Variants in FMN1 observed in about 807,000 individuals in gnomAD.
The protein encoded by FMN1 is formin 1.
In FMN1, 110 loss-of-function variants were observed where a neutral mutation model predicts 132.4. That is an observed-to-expected ratio of 0.83 (90% confidence interval 0.71 to 0.97). The LOEUF is 0.97. FMN1 is among the 50% of genes least tolerant of loss of function. FMN1 has a pLI of 0.00. For missense variants in FMN1, 1,792 were observed against 1,705.3 expected, an observed-to-expected ratio of 1.05 and a Z score of -0.90; for synonymous variants, 722 against 651.7, an observed-to-expected ratio of 1.11 and a Z score of -1.64.
intron 17 of FMN1, among the ~76,000 whole-genome samples, chr15:32,837,726 T>C (rs915963285): frequency 1.3e-5 from 2 of 152,246 alleles, no homozygotes; most frequent in Non-Finnish European, 2.9e-5. Flanking sequence ...ATATAGGGTC[T>C]TTTAGACTGG....
rs577368313 is a variant in FMN1, at chr15:32,772,475, TTTGG to T, written c.*1831_*1834del. The T allele has an allele frequency of 2.6e-5, 4 of 152,372 alleles. No individual in the cohort carries two copies. Among genetic ancestry groups the T allele is most frequent in the African/African-American group, 9.6e-5 (4 of 41,586 alleles). The allele number at this position is 152,372 out of a possible 1,614,324, so 9.4% of individuals were successfully genotyped here. On this transcript the variant is annotated 3_prime_UTR_variant, in exon 21 of 21. Coordinates refer to ENST00000616417, the MANE Select transcript of FMN1 (RefSeq NM_001277313.2). ...AATCAGTTTTTAATTGATCCGTTCT[TTTGG>T]TTGTCTTCAGAGTTAAGTGAAAATG...
At chr15:32,960,386 T>C (rs1252585282) in intron 9 of FMN1, among the ~76,000 whole-genome samples, 2 of 152,092 alleles carry the variant, frequency 1.3e-5, no homozygotes, top group African/African-American at 4.8e-5. Context: ...TGGGTACAAT[T>C]TGACATGATA....
At chr15:33,083,495 C>T (rs758244225) in intron 5 of FMN1, among the ~76,000 whole-genome samples, 19 of 152,158 alleles carry the variant, frequency 1.2e-4, no homozygotes, top group Non-Finnish European at 2.6e-4. Flanking sequence ...AAAGGTTGAG[C>T]TAATCACCAA....
chr15:32,896,326 A>C (rs1439240340), intron 15 of FMN1, among the ~76,000 whole-genome samples: 1 of 152,030 alleles, frequency 6.6e-6, no homozygotes, highest in Non-Finnish European at 1.5e-5. Context: ...TTATTTTTAT[A>C]CATAATATTT....
At chr15:33,121,990 G>A (rs969755317) in intron 4 of FMN1, among the ~76,000 whole-genome samples, 6 of 152,180 alleles carry the variant, frequency 3.9e-5, no homozygotes, top group African/African-American at 1.4e-4. Context: ...TGTACTGCAA[G>A]CAAACAATAT....
rs373038152 is a variant in FMN1 at position 33,055,396 on chromosome 15, T to C, written c.2161+9561A>G. 5.9e-5 allele frequency among the ~76,000 whole-genome samples: 9 copies of C among 152,304 alleles called. No individual in the cohort carries two copies. The South Asian group carries it at 1.0e-3, about 18-fold the overall frequency. On this transcript the variant is annotated intron_variant, in intron 6 of 20. Coordinates refer to ENST00000616417, the MANE Select transcript of FMN1 (RefSeq NM_001277313.2). ...ATGTATTACATCTCCCTCAAATGTA[T>C]AAAAGCAAGCTGTACCCTGATCACC...
At chr15:33,076,676 T>C (rs895272760) in intron 5 of FMN1, among the ~76,000 whole-genome samples, 5 of 152,212 alleles carry the variant, frequency 3.3e-5, no homozygotes, top group African/African-American at 1.2e-4. Flanking sequence ...AGATTATTAC[T>C]GTCCAATGAA....
At chr15:32,990,098 T>A (rs2033341916) in intron 7 of FMN1, among the ~76,000 whole-genome samples, 1 of 152,198 alleles carries the variant, frequency 6.6e-6, no homozygotes, top group Non-Finnish European at 1.5e-5. Context: ...TATTTCCCAG[T>A]GTAGCTTTCC....
At chr15:32,867,791 A>G (rs2059428033) in intron 16 of FMN1, among the ~76,000 whole-genome samples, 2 of 152,178 alleles carry the variant, frequency 1.3e-5, no homozygotes, top group Admixed American at 1.3e-4. Flanking sequence ...GCGCCCGGCC[A>G]TCAGGATTTC....
chr15:32,984,206 T>C (rs558712586), intron 7 of FMN1, among the ~76,000 whole-genome samples: 18 of 152,340 alleles, frequency 1.2e-4, no homozygotes, highest in Non-Finnish European at 2.2e-4. Flanking sequence ...TTTTTAAGTT[T>C]TGTTTTTCTT....
intron 19 of FMN1, among the ~76,000 whole-genome samples, chr15:32,787,528 A>T (rs2056920044): frequency 6.6e-6 from 1 of 152,206 alleles, no homozygotes; most frequent in Non-Finnish European, 1.5e-5. Flanking sequence ...TCTTAGGCTT[A>T]GCTCCTAACA....
At chr15:32,789,769 T>C in intron 19 of FMN1, among the ~76,000 whole-genome samples, 1 of 152,164 alleles carries the variant, frequency 6.6e-6, no homozygotes, top group Admixed American at 6.6e-5. Flanking sequence ...CCTACACAGG[T>C]GTACCATTTT....
At chr15:32,882,018 G>C (rs1167223191) in intron 16 of FMN1, among the ~76,000 whole-genome samples, 1 of 152,214 alleles carries the variant, frequency 6.6e-6, no homozygotes, top group African/African-American at 2.4e-5. Flanking sequence ...CAGAGAGACA[G>C]AGAGGGAGTC....
intron 6 of FMN1, among the ~76,000 whole-genome samples, chr15:33,040,801 C>T (rs145356433): frequency 6.6e-6 from 1 of 152,268 alleles, no homozygotes; most frequent in African/African-American, 2.4e-5. Context: ...AATAGTGGTA[C>T]AATGAAGGAG....
chr15:32,827,136 C>A (rs1469752499), intron 17 of FMN1, among the ~76,000 whole-genome samples: 3 of 152,158 alleles, frequency 2.0e-5, no homozygotes, highest in African/African-American at 7.2e-5. Context: ...TACTGAGTGG[C>A]CTCCAGTCAC....
chr15:33,013,362 T>C (rs766583807), intron 6 of FMN1, among the ~76,000 whole-genome samples: 37 of 152,208 alleles, frequency 2.4e-4, no homozygotes, highest in Admixed American at 3.9e-4. Context: ...TATCAATTGC[T>C]AAATGTAATA....
intron 7 of FMN1, among the ~76,000 whole-genome samples, chr15:33,004,617 G>C (rs898085574): frequency 2.0e-5 from 3 of 152,172 alleles, no homozygotes; most frequent in African/African-American, 7.2e-5. Context: ...AACCATTGTG[G>C]AAGTCAGTGT....
chr15:32,866,655 A>G (rs1218272387), intron 16 of FMN1, among the ~76,000 whole-genome samples: 1 of 152,168 alleles, frequency 6.6e-6, no homozygotes, highest in Non-Finnish European at 1.5e-5. Flanking sequence ...AAAATTTGCA[A>G]TACTCACTTT....
At chr15:33,114,661 G>A (rs1423632993) in intron 4 of FMN1, among the ~76,000 whole-genome samples, 3 of 152,148 alleles carry the variant, frequency 2.0e-5, no homozygotes, top group Non-Finnish European at 4.4e-5. Context: ...CCTTCTTTTG[G>A]AGAGAGCCTG....
Sources: allele counts gnomAD v4.1 joint callset (sites outside exome capture counted in the v4.1 genomes callset), GRCh38; gene constraint gnomAD v4.1.1; transcripts MANE v1.5; gene names NCBI Gene and HGNC (gene_info 2026-07-23, HGNC 2026-07-21).